The following R3HDM1 variants were observed in gnomAD, a reference collection of about 807,000 sequenced individuals.
R3HDM1 encodes the protein R3H domain containing 1, also known as R3H domain-containing protein 1.
Under a neutral mutation model 141.1 loss-of-function variants are expected in R3HDM1, and 46 were observed. That is an observed-to-expected ratio of 0.33 (90% confidence interval 0.26 to 0.42). The LOEUF (loss-of-function observed/expected upper bound fraction) is 0.42, where lower values mean the gene tolerates loss of function less well. Among genes scored for constraint, R3HDM1 ranks in the 10% least tolerant of loss-of-function variants. R3HDM1 has a pLI of 1.00. For synonymous variants in R3HDM1, 435 were observed against 472.9 expected, an observed-to-expected ratio of 0.92 and a Z score of 1.04; for missense variants, 1,184 against 1,368.3, an observed-to-expected ratio of 0.87 and a Z score of 2.12.
intron 21 of R3HDM1, among the ~76,000 whole-genome samples, chr2:135,699,679 A>G (rs1184727658): frequency 6.6e-6 from 1 of 152,214 alleles, no homozygotes; most frequent in Non-Finnish European, 1.5e-5. Flanking sequence ...CAGCTATATT[A>G]AGACTAATAT....
At chr2:135,707,054 G>T (rs1399615470) in intron 21 of R3HDM1, among the ~76,000 whole-genome samples, 1 of 152,170 alleles carries the variant, frequency 6.6e-6, no homozygotes, top group African/African-American at 2.4e-5. Flanking sequence ...CTGGGCGGGG[G>T]GCTGGCCCAT....
intron 1 of R3HDM1, among the ~76,000 whole-genome samples, chr2:135,538,551 A>ATAATATAATAG (rs1696739657): frequency 1.3e-5 from 2 of 152,204 alleles, no homozygotes; most frequent in Non-Finnish European, 2.9e-5. Flanking sequence ...TTATAGCTGT[A>ATAATATAATAG]CAAAAATATT....
At chr2:135,541,866 AAAAAAGAAAG>A (rs1301860207) in intron 1 of R3HDM1, among the ~76,000 whole-genome samples, 367 of 150,208 alleles carry the variant, frequency 2.4e-3, no homozygotes, top group African/African-American at 8.4e-3. Flanking sequence ...AAAAAAAAAA[AAAAAAGAAAG>A]AAAGAAAGAG....
At chr2:135,602,953 G>C (rs1201028977) in intron 2 of R3HDM1, among the ~76,000 whole-genome samples, 1 of 151,574 alleles carries the variant, frequency 6.6e-6, no homozygotes, top group African/African-American at 2.4e-5. Flanking sequence ...TTTAACTTTT[G>C]AGCTGTATTT....
At chr2:135,656,735 T>C (rs1052787896) in intron 18 of R3HDM1, among the ~76,000 whole-genome samples, 1 of 152,228 alleles carries the variant, frequency 6.6e-6, no homozygotes, top group Admixed American at 6.5e-5. Context: ...TTGCTGTTGT[T>C]GCCATATACA....
chr2:135,588,755 T>G (rs1239919912), intron 1 of R3HDM1, among the ~76,000 whole-genome samples: 2 of 152,152 alleles, frequency 1.3e-5, no homozygotes, highest in African/African-American at 4.8e-5. Flanking sequence ...GAAAGCAATT[T>G]AAAATTTTTT....
At chr2:135,610,915 G>C (rs949717890) in intron 3 of R3HDM1, among the ~76,000 whole-genome samples, 1 of 151,624 alleles carries the variant, frequency 6.6e-6, no homozygotes, top group Non-Finnish European at 1.5e-5. Flanking sequence ...GACCAGCCTG[G>C]ACAACACACG....
At chr2:135,643,914 G>C (rs940458971) in intron 15 of R3HDM1, among the ~76,000 whole-genome samples, 6 of 152,154 alleles carry the variant, frequency 3.9e-5, no homozygotes, top group Non-Finnish European at 7.3e-5. Flanking sequence ...TAAATGCTGA[G>C]AACATGTGAA....
chr2:135,682,936 G>A (rs898962322), intron 21 of R3HDM1, among the ~76,000 whole-genome samples: 2 of 152,126 alleles, frequency 1.3e-5, no homozygotes, highest in Non-Finnish European at 2.9e-5. Context: ...GGCAGAGGTT[G>A]CAGTGAGCTC....
At chr2:135,640,109 A>AG (rs1171460501) in intron 14 of R3HDM1, among the ~76,000 whole-genome samples, 1 of 152,118 alleles carries the variant, frequency 6.6e-6, no homozygotes, top group East Asian at 1.9e-4. Flanking sequence ...AAAAAAAAAA[A>AG]AAAAAGGAAA....
chr2:135,595,715 C>T (rs1203225785), intron 1 of R3HDM1, among the ~76,000 whole-genome samples: 1 of 152,042 alleles, frequency 6.6e-6, no homozygotes, highest in Non-Finnish European at 1.5e-5. Flanking sequence ...TTCTAGGATC[C>T]CATCTGCTTG....
intron 7 of R3HDM1, among the ~76,000 whole-genome samples, chr2:135,629,585 A>G (rs2062427063): frequency 6.6e-6 from 1 of 152,234 alleles, no homozygotes; most frequent in Admixed American, 6.5e-5. Flanking sequence ...AAAGAAAAAT[A>G]TGAAAGAAAC....
chr2:135,541,851 T>TAAAAAAA (rs10558924), intron 1 of R3HDM1, among the ~76,000 whole-genome samples: 1 of 121,918 alleles, frequency 8.2e-6, no homozygotes, highest in Admixed American at 8.4e-5. Context: ...TTCAATTTGT[T>TAAAAAAA]AAAAAAAAAA....
intron 1 of R3HDM1, chr2:135,587,057 C>G (rs1157245424): frequency 2.3e-6 from 2 of 854,846 alleles, no homozygotes; most frequent in African/African-American, 1.8e-5. Context: ...ACAGCAAAAC[C>G]TAGATCTGTC....
At chr2:135,559,024 T>C in intron 1 of R3HDM1, 4 of 983,928 alleles carry the variant, frequency 4.1e-6, no homozygotes, top group Non-Finnish European at 4.8e-6. Flanking sequence ...TAAAATACCT[T>C]ATCAGTGGTA....
chr2:135,590,532 CA>C (rs1559184165), intron 1 of R3HDM1: 5 of 984,338 alleles, frequency 5.1e-6, no homozygotes, highest in Non-Finnish European at 6.0e-6. Flanking sequence ...AATAAAGCCA[CA>C]AAAAAATAAA....
At chr2:135,687,390 T>G (rs1048656114) in intron 21 of R3HDM1, among the ~76,000 whole-genome samples, 19 of 152,300 alleles carry the variant, frequency 1.2e-4, no homozygotes, top group African/African-American at 3.4e-4. Flanking sequence ...CACTTGAAAT[T>G]TTATTAAAAG....
At chr2:135,656,762 T>C (rs747122154) in intron 18 of R3HDM1, among the ~76,000 whole-genome samples, 5 of 152,158 alleles carry the variant, frequency 3.3e-5, no homozygotes, top group Non-Finnish European at 7.4e-5. Flanking sequence ...CTCTATATAT[T>C]ATATACCAAA....
chr2:135,549,582 C>CAAA (rs1409389915), intron 1 of R3HDM1, among the ~76,000 whole-genome samples: 2 of 118,056 alleles, frequency 1.7e-5, no homozygotes, highest in Admixed American at 8.4e-5. Flanking sequence ...AAAAAAAAAA[C>CAAA]AAAAACAAAA....
Sources: gnomAD v4.1 joint callset for allele counts (sites outside exome capture counted in the v4.1 genomes callset) on GRCh38, gnomAD v4.1.1 for gene constraint, MANE v1.5 for transcripts, NCBI Gene and HGNC (gene_info 2026-07-23, HGNC 2026-07-21) for gene names.